Variants in CISD2 observed in about 807,000 individuals in gnomAD.
CISD2 encodes CDGSH iron-sulfur domain-containing protein 2.
Under a neutral mutation model 12.9 loss-of-function variants are expected in CISD2, and 1 was observed. The observed-to-expected ratio is 0.08, with a 90% CI of 0.03 to 0.37. The LOEUF (loss-of-function observed/expected upper bound fraction) is 0.37. CISD2 is among the 10% of genes least tolerant of loss of function. The probability of loss-of-function intolerance (pLI) is 0.99; values close to 1 mark genes in which losing one functional copy is unlikely to be tolerated. For missense variants in CISD2, 97 were observed against 163.1 expected (o/e 0.59, Z 2.21); for synonymous variants, 50 against 60.6 (o/e 0.83, Z 0.81).
At chr4:102,876,103 G>A (rs1733585895) in intron 1 of CISD2, among the ~76,000 whole-genome samples, 1 of 152,006 alleles carries the variant, frequency 6.6e-6, no homozygotes, top group Admixed American at 6.6e-5. Flanking sequence ...CTTGTTTATA[G>A]TCTCTGTCCT....
intron 2 of CISD2, among the ~76,000 whole-genome samples, chr4:102,885,916 T>C (rs1733886524): frequency 6.6e-6 from 1 of 152,176 alleles, no homozygotes. Flanking sequence ...TAGTAAATGA[T>C]AGCCTCAATT....
intron 1 of CISD2, among the ~76,000 whole-genome samples, chr4:102,879,063 G>A (rs1270698457): frequency 2.0e-5 from 3 of 152,068 alleles, no homozygotes; most frequent in South Asian, 2.1e-4. Context: ...AGCAGGAAGA[G>A]CCCATTTTAA....
chr4:102,892,031 A>C lies in CISD2; in HGVS notation c.*4601A>C, dbSNP rs1345864181. 1 of 152,126 alleles carries C rather than the reference A, an allele frequency of 6.6e-6. No homozygotes were observed. Among genetic ancestry groups the C allele is most frequent in the Non-Finnish European group, 1.5e-5 (1 of 68,024 alleles). The allele number at this position is 152,126 out of a possible 1,614,324, so 9.4% of individuals were successfully genotyped here. On this transcript the variant is annotated 3_prime_UTR_variant, in exon 3 of 3. Coordinates refer to ENST00000273986, the MANE Select transcript of CISD2 (RefSeq NM_001008388.5). ...TTTTACTGGAAACTTGCTATATTTG[A>C]TCATGTTCAGCAAGTAAACTAATTT...
At chr4:102,874,381 C>G (rs1156239624) in intron 1 of CISD2, 1 of 152,180 alleles carries the variant, frequency 6.6e-6, no homozygotes, top group Non-Finnish European at 1.5e-5. Flanking sequence ...ACTATCCTCA[C>G]TACCTAGGTG....
rs528291044 is a variant in CISD2, at chr4:102,873,769, G to A, written c.103+4582G>A. The stretch of plus-strand genomic sequence containing the variant: ...AAAAAAGGGATGTAAAAGTCAATAT[G>A]TATATTAGGTCCTTGCTCAGTATTG... On this transcript the variant is annotated intron_variant, in intron 1 of 2. Coordinates refer to ENST00000273986, the MANE Select transcript of CISD2 (RefSeq NM_001008388.5). Among the ~76,000 whole-genome samples the A allele has an allele frequency of 3.2e-4, 46 of 144,348 alleles. 1 individual carries two copies. The highest frequency in any genetic ancestry group is 6.2e-4 in the Non-Finnish European group (41 of 66,492). 94.7% of individuals were successfully genotyped at this position (144,348 alleles called of 152,430 possible).
At chr4:102,877,206 T>A (rs184948727) in intron 1 of CISD2, among the ~76,000 whole-genome samples, 1 of 152,232 alleles carries the variant, frequency 6.6e-6, no homozygotes, top group East Asian at 1.9e-4. Flanking sequence ...CAGTACAGAG[T>A]CTCATCTGAA....
At position 102,890,039 on chromosome 4, in the gene CISD2, C is replaced by T. The variant is rs1251112911; in HGVS notation, c.*2609C>T. On this transcript the variant is annotated 3_prime_UTR_variant, in exon 3 of 3. Coordinates refer to ENST00000273986, the MANE Select transcript of CISD2 (RefSeq NM_001008388.5). The stretch of plus-strand genomic sequence containing the variant: ...TGCTTACCTAGGAAACTACTCATGC[C>T]TTACTCAGCAAATGAACATCACTAT... 1 of 152,156 alleles carries T rather than the reference C, an allele frequency of 6.6e-6. No homozygotes were observed. Among genetic ancestry groups the T allele is most frequent in the Admixed American group, 6.5e-5 (1 of 15,282 alleles). The allele number at this position is 152,156 out of a possible 1,614,324, so 9.4% of individuals were successfully genotyped here. A position where few individuals can be genotyped will look rare whatever the true frequency, so the allele number is the denominator to read the frequency against.
chr4:102,876,811 TCA>T (rs1733603524), intron 1 of CISD2, among the ~76,000 whole-genome samples: 1 of 151,994 alleles, frequency 6.6e-6, no homozygotes, highest in Admixed American at 6.6e-5. Context: ...TTTAGTTGAC[TCA>T]CAGTTCTGCA....
intron 1 of CISD2, chr4:102,869,498 T>G (rs1196681697): frequency 4.3e-6 from 3 of 702,500 alleles, no homozygotes; most frequent in Non-Finnish European, 2.6e-6. Context: ...TCTCCTGTCC[T>G]GCTCATCGCT....
rs576725087 is a variant in CISD2, at chr4:102,880,770, A to G, written c.104-4446A>G. On this transcript the variant is annotated intron_variant, in intron 1 of 2. Transcript: ENST00000273986. ...CACTTTGAGAGGCCAAGGTGGGTGG[A>G]TCACCTGAGGTCAGGAGCTTGAGAC... 7.2e-5 allele frequency among the ~76,000 whole-genome samples: 11 copies of G among 152,210 alleles called. No individual in the cohort carries two copies. The East Asian group carries it at 1.9e-3, about 27-fold the overall frequency.
chr4:102,880,535 T>C (rs2110396554), intron 1 of CISD2, among the ~76,000 whole-genome samples: 1 of 152,156 alleles, frequency 6.6e-6, no homozygotes, highest in South Asian at 2.1e-4. Context: ...AAAATTTGCT[T>C]GGTGTGGTGG....
intron 2 of CISD2, among the ~76,000 whole-genome samples, chr4:102,887,119 A>T (rs1472124816): frequency 6.6e-5 from 10 of 152,208 alleles, no homozygotes; most frequent in Non-Finnish European, 1.3e-4. Flanking sequence ...GGACTCATTC[A>T]TAGGTTTTTA....
intron 1 of CISD2, among the ~76,000 whole-genome samples, chr4:102,879,189 T>A (rs1243215203): frequency 6.6e-6 from 1 of 152,056 alleles, no homozygotes; most frequent in African/African-American, 2.4e-5. Flanking sequence ...GGATTACAAT[T>A]TGAGATGAGA....
At position 102,869,176 on chromosome 4, in the gene CISD2, C is replaced by T. The variant is rs765299352; in HGVS notation, c.92C>T (p.Ala31Val). 3.1e-6 allele frequency: 5 copies of T among 1,608,568 alleles called. No homozygotes were observed. The East Asian group carries it at 6.7e-5, about 22-fold the overall frequency. The change falls in exon 1 of 3, where the codon GCT becomes GTT. Residue 31 changes from alanine (A) to valine (V), a missense_variant. Physicochemically the swap from Ala to Val is moderately conservative, Grantham distance 64. Around this residue, in one of 2 missense-constraint regions of CISD2, gnomAD observed 89 missense variants for 114.4 expected, o/e 0.78. Coordinates refer to ENST00000273986, the MANE Select transcript of CISD2 (RefSeq NM_001008388.5). ...LPVPESITGF[A>V]RLTVSEWLRL... ...GTCCCTGAAAGCATTACCGGGTTCG[C>T]TAGGCTCACAGGTAATCCTCCCCCA...
At chr4:102,884,586 C>T (rs1335699510) in intron 1 of CISD2, among the ~76,000 whole-genome samples, 1 of 152,140 alleles carries the variant, frequency 6.6e-6, no homozygotes, top group African/African-American at 2.4e-5. Flanking sequence ...TTCCCTGTCC[C>T]CTTAAGACAG....
At chr4:102,874,647 T>C (rs1163647287) in intron 1 of CISD2, 3 of 152,176 alleles carry the variant, frequency 2.0e-5, no homozygotes, top group Non-Finnish European at 4.4e-5. Flanking sequence ...GACACCTTGA[T>C]TTTGGACTTC....
chr4:102,889,566 G>C lies in CISD2; in HGVS notation c.*2136G>C, dbSNP rs1401835833. ...AATTTTGTCAAATAACATTGAAAATGAATTATCTCATAAAAGGTAATTTTA... is the reference window on the plus strand; with the variant it reads ...AATTTTGTCAAATAACATTGAAAATCAATTATCTCATAAAAGGTAATTTTA... On this transcript the variant is annotated 3_prime_UTR_variant, in exon 3 of 3. Coordinates refer to ENST00000273986, the MANE Select transcript of CISD2 (RefSeq NM_001008388.5). 1 of 152,224 alleles carries C rather than the reference G, an allele frequency of 6.6e-6. No homozygotes were observed. The highest frequency in any genetic ancestry group is 6.5e-5 in the Admixed American group (1 of 15,282). 9.4% of individuals were successfully genotyped at this position (152,224 alleles called of 1,614,324 possible).
intron 1 of CISD2, among the ~76,000 whole-genome samples, chr4:102,875,066 A>C (rs1317749634): frequency 6.6e-6 from 1 of 152,268 alleles, no homozygotes; most frequent in African/African-American, 2.4e-5. Flanking sequence ...GTTTGTCATC[A>C]TACGGCACCT....
chr4:102,873,457 TAGAGACGGG>T (rs1733513755), intron 1 of CISD2, among the ~76,000 whole-genome samples: 1 of 151,902 alleles, frequency 6.6e-6, no homozygotes, highest in Admixed American at 6.6e-5. Flanking sequence ...TATCTTATTT[TAGAGACGGG>T]GTTTTGCCAT....
Sources: gnomAD v4.1 joint callset for allele counts (sites outside exome capture counted in the v4.1 genomes callset) on GRCh38, gnomAD v4.1.1 for gene constraint, gnomAD v4.1.1 regional missense constraint, MANE v1.5 for transcripts, NCBI Gene and HGNC (gene_info 2026-07-23, HGNC 2026-07-21) for gene names.